The following BTAF1 variants were observed in gnomAD, a reference collection of about 807,000 sequenced individuals.
BTAF1 encodes TATA-binding protein-associated factor 172.
Under a neutral mutation model 227.1 loss-of-function variants are expected in BTAF1, and 38 were observed. The ratio of observed to expected loss-of-function variants is 0.17; its 90% CI spans 0.13 to 0.22. BTAF1 has a LOEUF of 0.22. Ranked by LOEUF, BTAF1 falls within the 10% of genes least tolerant of loss-of-function variation. BTAF1 has a pLI of 1.00. For missense variants in BTAF1, 1,598 were observed against 2,204.0 expected, an observed-to-expected ratio of 0.73 and a Z score of 5.51; for synonymous variants, 742 against 751.9, an observed-to-expected ratio of 0.99 and a Z score of 0.21.
chr10:92,018,680 G>C (rs529360169), intron 33 of BTAF1, 103 bp from the exon 34 acceptor site: 10 of 1,040,694 alleles, frequency 9.6e-6, no homozygotes, highest in South Asian at 5.0e-5. Context: ...AGGGAGAAAG[G>C]CATTCTAAAC....
At chr10:91,936,780 G>A (rs1439975542) in intron 2 of BTAF1, among the ~76,000 whole-genome samples, 1 of 152,158 alleles carries the variant, frequency 6.6e-6, no homozygotes, top group Non-Finnish European at 1.5e-5. Flanking sequence ...GGGAAGAAAT[G>A]GAGGACTGAA....
At chr10:92,001,144 A>G (rs1216129146) in intron 25 of BTAF1, among the ~76,000 whole-genome samples, 2 of 152,218 alleles carry the variant, frequency 1.3e-5, no homozygotes, top group Admixed American at 1.3e-4. Flanking sequence ...GCCCTAGCTT[A>G]TTGTCTGGAG....
At chr10:91,959,652 T>C (rs1191552473) in intron 9 of BTAF1, 133 bp from the exon 10 acceptor site, 2 of 352,974 alleles carry the variant, frequency 5.7e-6, no homozygotes, top group Non-Finnish European at 8.9e-6. Context: ...ATTTTGGACC[T>C]AAGGTGTCCC....
intron 1 of BTAF1, chr10:91,935,253 CA>C (rs1844530373): frequency 6.4e-6 from 1 of 156,044 alleles, no homozygotes; most frequent in East Asian, 1.9e-4. Context: ...TGGGAACATT[CA>C]AAATGCCTCT....
rs1851710669 is a variant in BTAF1 at position 92,028,828 on chromosome 10, G to A, written c.5445G>A (p.Gly1815=). Reference sequence around the variant, plus strand: ...AAAAAGCTGACACCTCTACTTCTGGGAAAGCAAGTATGAAATCAATTCTTG... The same window carrying A: ...AAAAAGCTGACACCTCTACTTCTGGAAAAGCAAGTATGAAATCAATTCTTG... ...KAEKADTSTS[G]KASMKSILEN... is the part of the protein sequence containing the mutation. Residue 1815 remains glycine, a synonymous_variant, in exon 38 of 38, where the codon GGG becomes GGA. Coordinates refer to ENST00000265990, the MANE Select transcript of BTAF1 (RefSeq NM_003972.3). 6.2e-7 allele frequency: 1 copy of A among 1,608,290 alleles called. No homozygotes were observed. Among genetic ancestry groups the A allele is most frequent in the African/African-American group, 1.3e-5 (1 of 74,606 alleles).
intron 1 of BTAF1, among the ~76,000 whole-genome samples, chr10:91,927,289 C>T (rs950474023): frequency 2.6e-5 from 4 of 152,060 alleles, no homozygotes; most frequent in East Asian, 1.9e-4. Flanking sequence ...CAGGCATGCA[C>T]CACCACACCC....
intron 5 of BTAF1, among the ~76,000 whole-genome samples, 184 bp from the exon 6 acceptor site, chr10:91,953,551 GAA>G (rs542405915): frequency 4.2e-4 from 64 of 152,236 alleles, no homozygotes; most frequent in African/African-American, 1.4e-3. Context: ...GAATAACAGA[GAA>G]AAGGGAGGAA....
chr10:91,965,297 T>C (rs1846825935), intron 13 of BTAF1, among the ~76,000 whole-genome samples: 1 of 152,158 alleles, frequency 6.6e-6, no homozygotes, highest in Non-Finnish European at 1.5e-5. Flanking sequence ...TTACTGTAAA[T>C]CAAGGATTGG....
intron 32 of BTAF1, 54 bp from the exon 33 acceptor site, chr10:92,016,286 G>T: frequency 6.4e-7 from 1 of 1,551,578 alleles, no homozygotes; most frequent in South Asian, 1.3e-5. Flanking sequence ...TATGTGTTTT[G>T]AACAATTGAA....
chr10:91,936,333 C>T (rs970846859), intron 2 of BTAF1, among the ~76,000 whole-genome samples: 2 of 152,106 alleles, frequency 1.3e-5, no homozygotes, highest in African/African-American at 4.8e-5. Context: ...ATTTAATTTC[C>T]TGATGTGCAG....
chr10:92,008,510 G>GT (rs35905847), intron 26 of BTAF1, among the ~76,000 whole-genome samples: 22,839 of 133,936 alleles, frequency 0.17, 2,319 homozygotes, highest in African/African-American at 0.29. Context: ...TGGCCAGCTA[G>GT]TTTTTTTTTT....
chr10:91,992,617 C>G (rs1848872925), intron 21 of BTAF1, among the ~76,000 whole-genome samples: 1 of 152,172 alleles, frequency 6.6e-6, no homozygotes, highest in African/African-American at 2.4e-5. Flanking sequence ...TCTGTCCTTT[C>G]AATGCACAAA....
chr10:92,026,599 A>G lies in BTAF1; in HGVS notation c.5083A>G (p.Asn1695Asp), dbSNP rs1195169349. The change falls in exon 36 of 38, where the codon AAT (asparagine) becomes GAT (aspartate). Residue 1695 changes from asparagine to aspartate, a missense_variant. By Grantham distance (23) the Asn-to-Asp change is conservative (BLOSUM62 1). This residue lies in a region of BTAF1 where 205 missense variants were observed against 244.5 expected (regional missense o/e 0.84). Coordinates refer to ENST00000265990, the MANE Select transcript of BTAF1 (RefSeq NM_003972.3). ...QRHSIVSRFN[N>D]DPSIDVLLLT... is the part of the protein sequence containing the mutation. ...TTTGTTATCTACTTTTAGGTTTAAT[A>G]ATGATCCATCTATAGACGTTCTGTT... is the stretch of plus-strand genomic sequence containing the variant. 1 of 1,610,670 alleles carries G rather than the reference A, an allele frequency of 6.2e-7. No individual in the cohort carries two copies. The highest frequency in any genetic ancestry group is 8.5e-7 in the Non-Finnish European group (1 of 1,178,146).
In BTAF1 at chr10:92,026,759, T is replaced by C; in HGVS notation, c.5235+8T>C. On this transcript the variant is annotated splice_region_variant and intron_variant, in intron 36 of 37. Transcript: ENST00000265990. The stretch of plus-strand genomic sequence containing the variant: ...GCCCATCGCATTGGGCAGGTAAAAG[T>C]CAATTTTACCTCACAGATGTTAACC... 1 of 1,609,646 alleles carries C rather than the reference T, an allele frequency of 6.2e-7. No homozygotes were observed. The highest frequency in any genetic ancestry group is 1.1e-5 in the South Asian group (1 of 90,522).
chr10:91,965,785 A>G (rs1846866049), intron 13 of BTAF1, among the ~76,000 whole-genome samples: 1 of 152,080 alleles, frequency 6.6e-6, no homozygotes, highest in African/African-American at 2.4e-5. Context: ...TTAGAATTTT[A>G]TAAATAAATT....
intron 1 of BTAF1, among the ~76,000 whole-genome samples, chr10:91,925,602 C>A (rs192260631): frequency 9.5e-5 from 14 of 147,594 alleles, no homozygotes; most frequent in Non-Finnish European, 1.5e-5. Flanking sequence ...AGCTCCGCAT[C>A]CCGGGTTCAG....
At chr10:92,019,287 T>C (rs1450992252) in intron 34 of BTAF1, among the ~76,000 whole-genome samples, 1 of 152,256 alleles carries the variant, frequency 6.6e-6, no homozygotes. Context: ...TAATCTACTT[T>C]CTCTATGAAT....
chr10:92,009,107 G>T lies in BTAF1; in HGVS notation c.4002G>T (p.Pro1334=), dbSNP rs757434809. 1.2e-6 allele frequency: 2 copies of T among 1,614,076 alleles called. No individual in the cohort carries two copies. Among genetic ancestry groups the T allele is most frequent in the East Asian group, 2.2e-5 (1 of 44,864 alleles). Residue 1334 remains proline, a synonymous_variant, in exon 28 of 38, where the codon CCG becomes CCT. Coordinates refer to ENST00000265990, the MANE Select transcript of BTAF1 (RefSeq NM_003972.3). ...CACTTCCTTCCTTAGTGGTTTGTCC[G>T]CCAACATTAACAGGCCATTGGGTGG... ...CMPLPSLVVC[P]PTLTGHWVDE... is the part of the protein sequence containing the mutation.
chr10:92,004,335 T>G (rs1246067475), intron 25 of BTAF1, among the ~76,000 whole-genome samples: 6 of 152,180 alleles, frequency 3.9e-5, no homozygotes, highest in African/African-American at 1.4e-4. Context: ...GCATTATACT[T>G]ACCAGTTGAG....
Sources: gnomAD v4.1 joint callset for allele counts (sites outside exome capture counted in the v4.1 genomes callset) on GRCh38, gnomAD v4.1.1 for gene constraint, gnomAD v4.1.1 regional missense constraint, MANE v1.5 for transcripts, NCBI Gene and HGNC (gene_info 2026-07-23, HGNC 2026-07-21) for gene names.